The following RPGRIP1L variants were observed in gnomAD, a reference collection of about 807,000 sequenced individuals.
RPGRIP1L encodes the protein protein fantom.
RPGRIP1L carries 131 observed loss-of-function variants against 160.4 expected under a neutral mutation model. That is an observed-to-expected ratio of 0.82 (90% CI 0.71 to 0.94). RPGRIP1L has a LOEUF of 0.94. Among genes scored for constraint, RPGRIP1L ranks in the 40% least tolerant of loss-of-function variants. The pLI, the probability that RPGRIP1L is intolerant of heterozygous loss-of-function variation, is 0.00. For missense variants in RPGRIP1L, 1,522 were observed against 1,535.8 expected (o/e 0.99, Z 0.15); for synonymous variants, 510 against 515.8 (o/e 0.99, Z 0.15).
chr16:53,682,087 G>C (rs1969653892), intron 6 of RPGRIP1L, among the ~76,000 whole-genome samples: 1 of 151,944 alleles, frequency 6.6e-6, no homozygotes, highest in Admixed American at 6.6e-5. Flanking sequence ...AAAAGGCATT[G>C]AACATCCTTA....
chr16:53,624,993 T>C (rs1315251640), intron 22 of RPGRIP1L, among the ~76,000 whole-genome samples: 3 of 152,204 alleles, frequency 2.0e-5, no homozygotes, highest in Non-Finnish European at 4.4e-5. Flanking sequence ...ATCCAGCTCC[T>C]GACCTCGAGT....
Position 53,701,902 on chromosome 16 carries a change from G to A in RPGRIP1L, c.-7-1172C>T, listed in dbSNP as rs1175105888. 2.0e-5 allele frequency: 3 copies of A among 152,100 alleles called. No individual in the cohort carries two copies. The East Asian group carries it at 5.8e-4, about 29-fold the overall frequency. 9.4% of individuals were successfully genotyped at this position (152,100 alleles called of 1,614,324 possible). On this transcript the variant is annotated intron_variant, in intron 1 of 26. Transcript: ENST00000647211. ...AACTCGCAAATGGTGGAGAACCATT[G>A]CATTTTGCTTTTACAGAAACAGCTA...
At chr16:53,662,988 GA>G (rs1332256549) in intron 10 of RPGRIP1L, among the ~76,000 whole-genome samples, 2 of 151,884 alleles carry the variant, frequency 1.3e-5, no homozygotes, top group Non-Finnish European at 2.9e-5. Context: ...TTGTGATGTA[GA>G]TTTATATTAA....
intron 16 of RPGRIP1L, among the ~76,000 whole-genome samples, chr16:53,646,542 G>A (rs1966559792): frequency 6.6e-6 from 1 of 152,134 alleles, no homozygotes; most frequent in Non-Finnish European, 1.5e-5. Context: ...GCCAGGACCG[G>A]GAGGATACTT....
intron 6 of RPGRIP1L, among the ~76,000 whole-genome samples, chr16:53,678,510 A>G (rs989962633): frequency 2.1e-4 from 32 of 152,220 alleles, no homozygotes; most frequent in African/African-American, 7.7e-4. Flanking sequence ...ACTTTGCTCC[A>G]GTGAAAGTTT....
intron 7 of RPGRIP1L, among the ~76,000 whole-genome samples, chr16:53,674,126 C>T (rs1192740526): frequency 6.6e-6 from 1 of 152,072 alleles, no homozygotes; most frequent in African/African-American, 2.4e-5. Flanking sequence ...CATATTTATG[C>T]AGAAGTAATT....
At chr16:53,624,254 T>TA (rs1217303444) in intron 22 of RPGRIP1L, among the ~76,000 whole-genome samples, 1 of 152,156 alleles carries the variant, frequency 6.6e-6, no homozygotes, top group Non-Finnish European at 1.5e-5. Flanking sequence ...CCTTCTCATT[T>TA]AAAAAATATT....
chr16:53,676,013 A>G (rs1477911066), intron 6 of RPGRIP1L, among the ~76,000 whole-genome samples: 1 of 152,198 alleles, frequency 6.6e-6, no homozygotes, highest in Non-Finnish European at 1.5e-5. Context: ...ATTTAAAATC[A>G]GAGTTCAATA....
At position 53,649,006 on chromosome 16, in the gene RPGRIP1L, C is replaced by T. The variant is rs775616241; in HGVS notation, c.2262G>A (p.Gly754=). ...RLYRERAKAL[G]YITSNFKGPE... is the part of the protein sequence containing the mutation. ...GCCCCTTAAAATTTGATGTTATATA[C>T]CCCAAAGCCTTTGCCCTTTCTCGAT... The change falls in exon 16 of 27, where the codon GGG becomes GGA. Residue 754 remains glycine (G), a synonymous_variant. Transcript: ENST00000647211. 3.7e-5 allele frequency: 60 copies of T among 1,613,854 alleles called. No individual in the cohort carries two copies. Among genetic ancestry groups the T allele is most frequent in the Middle Eastern group, 1.6e-4 (1 of 6,078 alleles).
At chr16:53,691,722 T>C (rs938175870) in intron 4 of RPGRIP1L, among the ~76,000 whole-genome samples, 8 of 152,230 alleles carry the variant, frequency 5.3e-5, no homozygotes, top group Admixed American at 4.6e-4. Context: ...TGATCATTCA[T>C]TACAGTAAAT....
At chr16:53,636,650 G>T in intron 21 of RPGRIP1L, 138 bp from the exon 22 acceptor site, 1 of 555,978 alleles carries the variant, frequency 1.8e-6, no homozygotes, top group Non-Finnish European at 3.1e-6. Flanking sequence ...TTTTTTAGTA[G>T]CAAATTTGTT....
intron 25 of RPGRIP1L, among the ~76,000 whole-genome samples, chr16:53,606,922 A>T (rs951444235): frequency 1.3e-4 from 20 of 152,128 alleles, no homozygotes; most frequent in Non-Finnish European, 7.4e-5. Flanking sequence ...CCTGCAATAA[A>T]TTTTTATTAG....
chr16:53,666,657 C>T (rs982633518), intron 9 of RPGRIP1L, among the ~76,000 whole-genome samples: 1 of 145,722 alleles, frequency 6.9e-6, no homozygotes, highest in African/African-American at 2.7e-5. Context: ...AAACATGTAC[C>T]ACCCGGAAAA....
intron 22 of RPGRIP1L, among the ~76,000 whole-genome samples, chr16:53,631,650 T>G (rs760957926): frequency 1.3e-5 from 2 of 152,060 alleles, no homozygotes; most frequent in African/African-American, 4.8e-5. Context: ...AAATTTATAC[T>G]GTTAACTTCT....
At chr16:53,697,845 C>T (rs867760262) in intron 2 of RPGRIP1L, among the ~76,000 whole-genome samples, 4 of 151,516 alleles carry the variant, frequency 2.6e-5, no homozygotes, top group Non-Finnish European at 5.9e-5. Context: ...GTGAAGAGCC[C>T]CTCTGCCTGG....
At chr16:53,610,551 G>C (rs1325992549) in intron 25 of RPGRIP1L, among the ~76,000 whole-genome samples, 5 of 152,122 alleles carry the variant, frequency 3.3e-5, no homozygotes. Context: ...CCATTTTAAA[G>C]TTGAAGGAAG....
At chr16:53,687,727 G>A in intron 5 of RPGRIP1L, 136 bp downstream of exon 5, 1 of 659,722 alleles carries the variant, frequency 1.5e-6, no homozygotes, top group Admixed American at 2.5e-5. Context: ...TATAACATCT[G>A]TTGTTACCCT....
At chr16:53,630,364 T>C (rs960561616) in intron 22 of RPGRIP1L, among the ~76,000 whole-genome samples, 1 of 152,188 alleles carries the variant, frequency 6.6e-6, no homozygotes, top group Admixed American at 6.5e-5. Flanking sequence ...TTTGTTTCTT[T>C]TTAAATGAAA....
Position 53,598,460 on chromosome 16 carries a change from G to A in RPGRIP1L, c.*3616C>T, listed in dbSNP as rs1403039162. The A allele has an allele frequency of 3.3e-5, 5 of 152,158 alleles. No individual in the cohort carries two copies. Among genetic ancestry groups the A allele is most frequent in the South Asian group, 2.1e-4 (1 of 4,826 alleles). The allele number at this position is 152,158 out of a possible 1,614,324, so 9.4% of individuals were successfully genotyped here. A position where few individuals can be genotyped will look rare whatever the true frequency, so the allele number is the denominator to read the frequency against. On this transcript the variant is annotated 3_prime_UTR_variant, in exon 27 of 27. Coordinates refer to ENST00000647211, the MANE Select transcript of RPGRIP1L (RefSeq NM_015272.5). The stretch of plus-strand genomic sequence containing the variant: ...GTAATATGGGTCCAATTTTCCAGGC[G>A]GTCAGGCTGGAGGGTGCAGTCCACT...
Sources: allele counts gnomAD v4.1 joint callset (sites outside exome capture counted in the v4.1 genomes callset), GRCh38; gene constraint gnomAD v4.1.1; transcripts MANE v1.5; gene names NCBI Gene and HGNC (gene_info 2026-07-23, HGNC 2026-07-21).